The following FYCO1 variants were observed in gnomAD, a reference collection of about 807,000 sequenced individuals.
FYCO1 encodes the protein FYVE and coiled-coil domain autophagy adaptor 1, also known as FYVE and coiled-coil domain-containing protein 1.
FYCO1 carries 122 observed loss-of-function variants against 165.1 expected under a neutral mutation model. The observed-to-expected ratio is 0.74, with a 90% CI of 0.64 to 0.86. FYCO1 has a LOEUF of 0.86. FYCO1 is among the 40% of genes least tolerant of loss of function. The pLI is 0.00. For missense variants in FYCO1, 1,702 were observed against 1,810.3 expected, an observed-to-expected ratio of 0.94 and a Z score of 1.09; for synonymous variants, 648 against 742.5, an observed-to-expected ratio of 0.87 and a Z score of 2.07.
In FYCO1 at chr3:45,964,486, G is replaced by T; in HGVS notation, c.3151-32C>A. 6.2e-7 allele frequency: 1 copy of T among 1,612,908 alleles called. No individual in the cohort carries two copies. The highest frequency in any genetic ancestry group is 8.5e-7 in the Non-Finnish European group (1 of 1,179,502). On this transcript the variant is annotated intron_variant, in intron 9 of 17. Transcript: ENST00000296137. This position sits in a 1 kb window ranked among gnomAD's most constrained non-coding sequence, Gnocchi z 4.1. Reference sequence around the variant, plus strand: ...CAGGACGTCAGGGAGAAGACACTCAGCTTGCAGAAGGCCATGCAACGTACC... The same window carrying T: ...CAGGACGTCAGGGAGAAGACACTCATCTTGCAGAAGGCCATGCAACGTACC...
At chr3:45,989,870 G>A (rs959298886) in intron 1 of FYCO1, among the ~76,000 whole-genome samples, 1 of 152,138 alleles carries the variant, frequency 6.6e-6, no homozygotes, top group African/African-American at 2.4e-5. Context: ...TTTTAGTGAG[G>A]TGGGCAGTTG....
At position 45,936,568 on chromosome 3, in the gene FYCO1, A is replaced by G. The variant is rs762553785; in HGVS notation, c.3945-25T>C. The G allele has an allele frequency of 1.3e-5, 19 of 1,513,190 alleles. No individual in the cohort carries two copies. In the East Asian group the frequency reaches 3.6e-4, roughly 29 times the overall value. 93.7% of individuals were successfully genotyped at this position (1,513,190 alleles called of 1,614,324 possible). On this transcript the variant is annotated intron_variant, in intron 14 of 17. Transcript: ENST00000296137. ...CCTGAAATGTCACAAATGAGAACACAGTCATTTAGCTATCAACACACAGGG... is the reference window on the plus strand; with the variant it reads ...CCTGAAATGTCACAAATGAGAACACGGTCATTTAGCTATCAACACACAGGG...
chr3:45,986,025 C>T (rs917202402), intron 1 of FYCO1, among the ~76,000 whole-genome samples: 1 of 152,234 alleles, frequency 6.6e-6, no homozygotes, highest in Non-Finnish European at 1.5e-5. Context: ...GCTTTACACA[C>T]ATGATCACTT....
At chr3:45,926,997 C>T (rs935126185) in intron 16 of FYCO1, among the ~76,000 whole-genome samples, 3 of 151,498 alleles carry the variant, frequency 2.0e-5, no homozygotes, top group Non-Finnish European at 2.9e-5. Context: ...CACCCAACAA[C>T]AGCAGAAGGT....
At chr3:45,982,330 T>G (rs537092493) in intron 2 of FYCO1, among the ~76,000 whole-genome samples, 1 of 152,266 alleles carries the variant, frequency 6.6e-6, no homozygotes, top group African/African-American at 2.4e-5. Flanking sequence ...AAAGTACAAT[T>G]TAGAATCTAT....
chr3:45,969,840 G>T, intron 6 of FYCO1, 75 bp from the exon 7 acceptor site: 1 of 1,256,318 alleles, frequency 8.0e-7, no homozygotes, highest in Middle Eastern at 1.9e-4. Context: ...CTGGTCACTA[G>T]GCAACCAGGT....
chr3:45,923,578 T>G lies in FYCO1; in HGVS notation c.4361+78A>C. 4 of 891,320 alleles carry G rather than the reference T, an allele frequency of 4.5e-6. No homozygotes were observed. In the Middle Eastern group the frequency reaches 8.6e-4, roughly 191 times the overall value. 55.2% of individuals were successfully genotyped at this position (891,320 alleles called of 1,614,324 possible). A position where few individuals can be genotyped will look rare whatever the true frequency, so the allele number is the denominator to read the frequency against. On this transcript the variant is annotated intron_variant, in intron 17 of 17. Coordinates refer to ENST00000296137, the MANE Select transcript of FYCO1 (RefSeq NM_024513.4). ...TAAGTTACTGACAAATAATTGGTTT[T>G]GAGTGTCCACCTCTGCTCTTTAGAA...
At chr3:45,991,490 G>A (rs1278874621) in intron 1 of FYCO1, among the ~76,000 whole-genome samples, 3 of 152,124 alleles carry the variant, frequency 2.0e-5, no homozygotes, top group African/African-American at 7.2e-5. Context: ...CTATGTTCAG[G>A]CATCCCTGCG....
At chr3:45,936,571 C>A in intron 14 of FYCO1, 28 bp from the exon 15 acceptor site, 1 of 1,510,006 alleles carries the variant, frequency 6.6e-7, no homozygotes, top group South Asian at 1.1e-5. Flanking sequence ...AGAACACAGT[C>A]ATTTAGCTAT....
At chr3:45,937,783 C>T (rs1703980815) in intron 14 of FYCO1, among the ~76,000 whole-genome samples, 1 of 152,180 alleles carries the variant, frequency 6.6e-6, no homozygotes, top group African/African-American at 2.4e-5. Flanking sequence ...CTGGCCCCAA[C>T]CCCCTCTCTG....
rs1324872455 is a variant in FYCO1, at chr3:45,965,129, G to C, written c.3058-4C>G. The C allele has an allele frequency of 4.3e-6, 7 of 1,611,718 alleles. No homozygotes were observed. Among genetic ancestry groups the C allele is most frequent in the Non-Finnish European group, 4.2e-6 (5 of 1,178,314 alleles). On this transcript the variant is annotated splice_polypyrimidine_tract_variant and splice_region_variant and intron_variant, in intron 8 of 17. Coordinates refer to ENST00000296137, the MANE Select transcript of FYCO1 (RefSeq NM_024513.4). The stretch of plus-strand genomic sequence containing the variant: ...TCTTGCACTCTTCACCAGCATTCTA[G>C]AGAGGACAAGAAAGAAAGAGGACAT...
Position 45,962,004 on chromosome 3 carries a change from T to C in FYCO1, c.3437+221A>G, listed in dbSNP as rs35209528. On this transcript the variant is annotated intron_variant, in intron 11 of 17. Transcript: ENST00000296137. This position sits in a 1 kb window ranked among gnomAD's most constrained non-coding sequence, Gnocchi z 4.4. ...TCAGTTTCTCACAGTCCCCTCCTGA[T>C]ACAAGCTTCCACTTGTATCAGCTGC... Among the ~76,000 whole-genome samples the C allele has an allele frequency of 0.089, 13,553 of 152,194 alleles. 1,016 individuals are homozygous for C. Among genetic ancestry groups the C allele is most frequent in the South Asian group, 0.35 (1,687 of 4,820 alleles).
At chr3:45,938,862 C>G (rs567940292) in intron 14 of FYCO1, among the ~76,000 whole-genome samples, 1 of 152,188 alleles carries the variant, frequency 6.6e-6, no homozygotes, top group Non-Finnish European at 1.5e-5. Context: ...GTATTTCTTA[C>G]CATGAGATGT....
chr3:45,957,573 A>G (rs1273349727), intron 13 of FYCO1, among the ~76,000 whole-genome samples: 8 of 152,270 alleles, frequency 5.3e-5, no homozygotes, highest in African/African-American at 1.9e-4. Flanking sequence ...CTTAAAAAAC[A>G]TTTTAAAATG....
intron 1 of FYCO1, among the ~76,000 whole-genome samples, chr3:45,994,814 C>G (rs1229305939): frequency 6.6e-6 from 1 of 152,096 alleles, no homozygotes; most frequent in Non-Finnish European, 1.5e-5. Flanking sequence ...ATTTCTCTGT[C>G]GGGAAAGGAA....
intron 1 of FYCO1, among the ~76,000 whole-genome samples, chr3:45,994,215 C>T (rs938954657): frequency 5.9e-5 from 5 of 85,192 alleles, no homozygotes; most frequent in Admixed American, 4.3e-4. Context: ...TCTAAAGTAA[C>T]TGCAAAAAAA....
intron 15 of FYCO1, among the ~76,000 whole-genome samples, chr3:45,934,052 G>C (rs1470812133): frequency 6.6e-6 from 1 of 152,096 alleles, no homozygotes; most frequent in Non-Finnish European, 1.5e-5. Context: ...TACTTGAAGA[G>C]AGAAAAACAG....
At position 45,949,712 on chromosome 3, in the gene FYCO1, C is replaced by T. The variant is rs190736987; in HGVS notation, c.3944+5537G>A. On this transcript the variant is annotated intron_variant, in intron 14 of 17. Coordinates refer to ENST00000296137, the MANE Select transcript of FYCO1 (RefSeq NM_024513.4). ...CCTGGCCACAGCAACAGAAAAGCAG[C>T]GCTGGGACCATGGGGCTTTCCCTGA... Among the ~76,000 whole-genome samples, 164 of 152,300 alleles carry T rather than the reference C, an allele frequency of 1.1e-3. 2 individuals are homozygous for T. The Middle Eastern group carries it at 0.027, about 25-fold the overall frequency.
rs1256024294 is a variant in FYCO1 at position 45,995,742 on chromosome 3, G to C, written c.-133C>G. ...CTTACGCGCTCGTGGGTCCACCGCC[G>C]GGCAGAACCGAAACTTTCTGGGGCC... On this transcript the variant is annotated 5_prime_UTR_variant, in exon 1 of 18. Coordinates refer to ENST00000296137, the MANE Select transcript of FYCO1 (RefSeq NM_024513.4). The C allele has an allele frequency of 6.6e-6, 1 of 151,800 alleles. No individual in the cohort carries two copies. The highest frequency in any genetic ancestry group is 1.5e-5 in the Non-Finnish European group (1 of 68,100). The allele number at this position is 151,800 out of a possible 1,614,324, so 9.4% of individuals were successfully genotyped here. A position where few individuals can be genotyped will look rare whatever the true frequency, so the allele number is the denominator to read the frequency against.
Sources: allele counts gnomAD v4.1 joint callset (sites outside exome capture counted in the v4.1 genomes callset), GRCh38; gene constraint gnomAD v4.1.1; non-coding constraint Gnocchi (gnomAD v3.1); transcripts MANE v1.5; gene names NCBI Gene and HGNC (gene_info 2026-07-23, HGNC 2026-07-21).